PTPA: variants seen among roughly 807,000 people sequenced by gnomAD.
PTPA encodes serine/threonine-protein phosphatase 2A activator.
A neutral mutation model predicts 43.6 loss-of-function variants in PTPA; 13 were observed. The ratio of observed to expected loss-of-function variants is 0.30; its 90% CI spans 0.19 to 0.47. The LOEUF (loss-of-function observed/expected upper bound fraction) is 0.47, where lower values mean the gene tolerates loss of function less well. Among genes scored for constraint, PTPA ranks in the 20% least tolerant of loss-of-function variants. The pLI is 0.99. For synonymous variants in PTPA, 172 were observed against 158.2 expected (o/e 1.09, Z -0.66); for missense variants, 329 against 411.9 (o/e 0.80, Z 1.74).
At chr9:129,144,015 C>T (rs1287613921) in intron 9 of PTPA, among the ~76,000 whole-genome samples, 1 of 151,484 alleles carries the variant, frequency 6.6e-6, no homozygotes, top group Admixed American at 6.6e-5. Context: ...GCTGCCTTCT[C>T]TGCTTGGTAC....
chr9:129,128,944 A>ACTTGCTCTGTAGCTTGGACCCC (rs1343780553), intron 3 of PTPA, 41 bp from the exon 4 acceptor site: 3 of 1,609,650 alleles, frequency 1.9e-6, no homozygotes, highest in Non-Finnish European at 8.5e-7. Context: ...AGCGGGAGCC[A>ACTTGCTCTGTAGCTTGGACCCC]CTTGCTCTGT....
intron 6 of PTPA, among the ~76,000 whole-genome samples, chr9:129,135,907 A>C (rs1420425260): frequency 6.6e-6 from 1 of 152,182 alleles, no homozygotes; most frequent in East Asian, 1.9e-4. Context: ...AGGGTTTTAC[A>C]AGTTGTCAGG....
rs544547215 is a variant in PTPA at position 129,147,146 on chromosome 9, C to T, written c.895-241C>T. Among the ~76,000 whole-genome samples the T allele has an allele frequency of 3.3e-5, 5 of 151,422 alleles. No individual in the cohort carries two copies. In the East Asian group the frequency reaches 7.9e-4, roughly 24 times the overall value. On this transcript the variant is annotated intron_variant, in intron 9 of 9. Coordinates refer to ENST00000393370, the MANE Select transcript of PTPA (RefSeq NM_178000.3). ...GATGGCACCTGGCTGCCTCTCTTCT[C>T]GGTTTCTACCTTGTAGGTTTGGGCT...
chr9:129,130,928 T>A (rs1849920533), intron 4 of PTPA, among the ~76,000 whole-genome samples: 1 of 152,222 alleles, frequency 6.6e-6, no homozygotes, highest in African/African-American at 2.4e-5. Flanking sequence ...TTCGTATAAC[T>A]CTCTGGCTTC....
chr9:129,140,722 C>T (rs1050115545), intron 8 of PTPA, among the ~76,000 whole-genome samples: 7 of 150,710 alleles, frequency 4.6e-5, no homozygotes, highest in Non-Finnish European at 2.9e-5. Flanking sequence ...TTACACAGCT[C>T]CATGCTCCCT....
chr9:129,129,242 C>T, intron 4 of PTPA, 132 bp downstream of exon 4: 2 of 1,297,480 alleles, frequency 1.5e-6, no homozygotes, highest in South Asian at 2.9e-5. Context: ...ATGTCAATTT[C>T]ACTTAGCAAA....
At chr9:129,111,356 C>A, upstream of PTPA, 1 of 1,208,460 alleles carries the variant, frequency 8.3e-7, no homozygotes, top group Non-Finnish European at 1.0e-6. Context: ...GGCCGTCGCC[C>A]GGTTCCGCGC....
intron 1 of PTPA, chr9:129,111,959 C>G (rs17508722): frequency 4.9e-6 from 2 of 409,234 alleles, no homozygotes; most frequent in Non-Finnish European, 7.9e-6. Flanking sequence ...CTTAAGTAAG[C>G]TGCTGACTCG....
chr9:129,123,151 A>G lies in PTPA; in HGVS notation c.216+13A>G. ...CAGAGTCTCCGAGGTAGGCCCAAGG[A>G]GGAGCTGCTGCAGCAGCCTTTCCAA... On this transcript the variant is annotated intron_variant, in intron 3 of 9. Coordinates refer to ENST00000393370, the MANE Select transcript of PTPA (RefSeq NM_178000.3). 1 of 1,591,380 alleles carries G rather than the reference A, an allele frequency of 6.3e-7. No individual in the cohort carries two copies. The highest frequency in any genetic ancestry group is 1.1e-5 in the South Asian group (1 of 90,660).
In PTPA at chr9:129,128,957, C is replaced by T. The variant is rs1849765022; in HGVS notation, c.217-28C>T. On this transcript the variant is annotated intron_variant, in intron 3 of 9. Coordinates refer to ENST00000393370, the MANE Select transcript of PTPA (RefSeq NM_178000.3). ...TAAGCGGGAGCCACTTGCTCTGTAG[C>T]TTGGACCCCTCTATTTTGCCTCCAC... 1.9e-6 allele frequency: 3 copies of T among 1,612,204 alleles called. No homozygotes were observed. In the African/African-American group the frequency reaches 4.0e-5, roughly 22 times the overall value.
At chr9:129,130,278 A>T (rs1474733611) in intron 4 of PTPA, among the ~76,000 whole-genome samples, 1 of 152,176 alleles carries the variant, frequency 6.6e-6, no homozygotes, top group Non-Finnish European at 1.5e-5. Flanking sequence ...ACTGAGCTTA[A>T]GGAAATTTGG....
chr9:129,111,136 C>T (rs1285692427), upstream of PTPA: 1 of 1,303,548 alleles, frequency 7.7e-7, no homozygotes, highest in African/African-American at 1.5e-5. Context: ...CTCTAATATT[C>T]CTTGGGTTAG....
intron 1 of PTPA, among the ~76,000 whole-genome samples, chr9:129,114,128 A>G (rs2131533366): frequency 6.6e-6 from 1 of 152,194 alleles, no homozygotes; most frequent in East Asian, 1.9e-4. Context: ...TCCTGAGTTC[A>G]TGCGATTCTC....
chr9:129,123,747 G>A (rs956841392), intron 3 of PTPA, among the ~76,000 whole-genome samples: 1 of 151,756 alleles, frequency 6.6e-6, no homozygotes, highest in Non-Finnish European at 1.5e-5. Context: ...GCAGTGGCGC[G>A]ATCTTGGCTC....
intron 2 of PTPA, 77 bp downstream of exon 2, chr9:129,120,687 C>G: frequency 1.6e-6 from 2 of 1,265,426 alleles, no homozygotes; most frequent in South Asian, 2.5e-5. Flanking sequence ...GCGGTGAGTT[C>G]CTGGCCCTTC....
chr9:129,126,726 G>T (rs1588502648), intron 3 of PTPA, among the ~76,000 whole-genome samples: 1 of 152,148 alleles, frequency 6.6e-6, no homozygotes, highest in South Asian at 2.1e-4. Flanking sequence ...TGTTCTTTGT[G>T]CCTCGAAGGT....
intron 3 of PTPA, among the ~76,000 whole-genome samples, chr9:129,124,820 T>TGGCCCAGTTTTTCCACCTGCCCC (rs1849473385): frequency 6.6e-6 from 1 of 152,224 alleles, no homozygotes; most frequent in Non-Finnish European, 1.5e-5. Flanking sequence ...AGCCCTGCCC[T>TGGCCCAGTTTTTCCACCTGCCCC]GGCCCAGTTT....
In PTPA at chr9:129,111,612, C is replaced by T. The variant is rs1359047060; in HGVS notation, c.12C>T (p.Gly4=). 2.4e-6 allele frequency: 3 copies of T among 1,273,082 alleles called. No homozygotes were observed. The highest frequency in any genetic ancestry group is 3.0e-5 in the South Asian group (1 of 32,962). 78.9% of individuals were successfully genotyped at this position (1,273,082 alleles called of 1,614,324 possible). ...CTGGCCGGAGCAAGATGGCTGAGGG[C>T]GAGCGGCAGCCGCCGCCAGGTAAGG... MAE[G]ERQPPPDSSE... Residue 4 remains glycine, a synonymous_variant, in exon 1 of 10, where the codon GGC becomes GGT. Coordinates refer to ENST00000393370, the MANE Select transcript of PTPA (RefSeq NM_178000.3).
At chr9:129,113,383 C>A (rs923378141) in intron 1 of PTPA, among the ~76,000 whole-genome samples, 1 of 150,886 alleles carries the variant, frequency 6.6e-6, no homozygotes, top group Non-Finnish European at 1.5e-5. Flanking sequence ...AGCCACCGTG[C>A]CTGGCCTATG....
Sources: gnomAD v4.1 joint callset for allele counts (sites outside exome capture counted in the v4.1 genomes callset) on GRCh38, gnomAD v4.1.1 for gene constraint, MANE v1.5 for transcripts, NCBI Gene and HGNC (gene_info 2026-07-23, HGNC 2026-07-21) for gene names.